Variants in DSCAM observed in about 807,000 individuals in gnomAD.
DSCAM encodes the protein DS cell adhesion molecule, also known as cell adhesion molecule DSCAM.
In DSCAM, 47 loss-of-function variants were observed where a neutral mutation model predicts 217.7. That is an observed-to-expected ratio of 0.22 (90% CI 0.17 to 0.28). The LOEUF is 0.28. Among genes scored for constraint, DSCAM ranks in the 10% least tolerant of loss-of-function variants. DSCAM has a pLI of 1.00. For synonymous variants in DSCAM, 1,056 were observed against 1,015.3 expected, an observed-to-expected ratio of 1.04 and a Z score of -0.76; for missense variants, 2,080 against 2,618.3, an observed-to-expected ratio of 0.79 and a Z score of 4.49.
rs2090674690 is a variant in DSCAM, at chr21:40,172,886, G to A, written c.2948-5598C>T. 2.0e-5 allele frequency among the ~76,000 whole-genome samples: 3 copies of A among 152,212 alleles called. No homozygotes were observed. In the South Asian group the frequency reaches 6.2e-4, roughly 32 times the overall value. The stretch of plus-strand genomic sequence containing the variant: ...TTTGTCTTCTACAGGAGTTGGGTGG[G>A]TGGGCGAGAGGCATGCTCTGTGTTG... On this transcript the variant is annotated intron_variant, in intron 15 of 32. Coordinates refer to ENST00000400454, the MANE Select transcript of DSCAM (RefSeq NM_001389.5).
Position 40,228,744 on chromosome 21 carries a change from G to C in DSCAM, c.2357-39506C>G, listed in dbSNP as rs144729789. ...CTTTTATATTCCCTTACCAGTCTTA[G>C]AATTAGCGTTCTCAAAGGAGTCCTG... On this transcript the variant is annotated intron_variant, in intron 11 of 32. Coordinates refer to ENST00000400454, the MANE Select transcript of DSCAM (RefSeq NM_001389.5). Among the ~76,000 whole-genome samples the C allele has an allele frequency of 7.1e-4, 107 of 150,138 alleles. No homozygotes were observed. The East Asian group carries it at 0.02, about 29-fold the overall frequency.
At chr21:40,805,474 A>T (rs921539962) in intron 1 of DSCAM, among the ~76,000 whole-genome samples, 1 of 152,010 alleles carries the variant, frequency 6.6e-6, no homozygotes, top group African/African-American at 2.4e-5. Context: ...AAACTCAGTA[A>T]CTCATTCCCT....
chr21:40,369,158 G>A lies in DSCAM; in HGVS notation c.596C>T (p.Thr199Met), dbSNP rs761826018. 13 of 1,613,266 alleles carry A rather than the reference G, an allele frequency of 8.1e-6. No homozygotes were observed. The highest frequency in any genetic ancestry group is 1.7e-5 in the Admixed American group (1 of 59,876). Residue 199 changes from threonine (T) to methionine (M), a missense_variant, in exon 4 of 33, where the codon ACG becomes ATG. Around this residue, in one of 5 missense-constraint regions of DSCAM, gnomAD observed 568 missense variants for 678.1 expected, o/e 0.84. Transcript: ENST00000400454. Reference sequence around the variant, plus strand: ...CGTCTCTCCGGTGTATCGATGCCGCGTGATGCAGCGGTAGTTATACAATCC... The same window carrying A: ...CGTCTCTCCGGTGTATCGATGCCGCATGATGCAGCGGTAGTTATACAATCC... ...EDGLYNYRCI[T>M]RHRYTGETRQ...
chr21:40,227,211 G>A (rs2091341018), intron 11 of DSCAM, among the ~76,000 whole-genome samples: 1 of 152,136 alleles, frequency 6.6e-6, no homozygotes, highest in African/African-American at 2.4e-5. Flanking sequence ...ATGTGTCATG[G>A]TTGACTCTGG....
intron 11 of DSCAM, among the ~76,000 whole-genome samples, chr21:40,196,800 A>G (rs527534421): frequency 2.0e-5 from 3 of 152,286 alleles, no homozygotes; most frequent in Non-Finnish European, 4.4e-5. Flanking sequence ...ACTTTTCCAT[A>G]TACTGCATAA....
chr21:40,593,757 G>A (rs1378518900), intron 3 of DSCAM, among the ~76,000 whole-genome samples: 2 of 152,198 alleles, frequency 1.3e-5, no homozygotes, highest in Admixed American at 1.3e-4. Flanking sequence ...CTCAGTCTGA[G>A]CCAGTTCAGC....
In DSCAM at chr21:40,376,594, C is replaced by A. The variant is rs147524486; in HGVS notation, c.509-7349G>T. Among the ~76,000 whole-genome samples, 336 of 108,600 alleles carry A rather than the reference C, an allele frequency of 3.1e-3. 11 individuals carry two copies. Among genetic ancestry groups the A allele is most frequent in the African/African-American group, 0.014 (295 of 21,542 alleles). The allele number at this position is 108,600 out of a possible 152,430, so 71.2% of individuals were successfully genotyped here. On this transcript the variant is annotated intron_variant, in intron 3 of 32. Transcript: ENST00000400454. ...ATATCGATATCTATATATCTTATAT[C>A]GATATCTATATATCTTATATAGATA...
chr21:40,832,668 C>A (rs2092021483), intron 1 of DSCAM, among the ~76,000 whole-genome samples: 1 of 152,150 alleles, frequency 6.6e-6, no homozygotes, highest in Non-Finnish European at 1.5e-5. Context: ...TGCACATATT[C>A]TACATGCTCT....
chr21:40,212,399 T>A (rs2091194561), intron 11 of DSCAM: 1 of 154,174 alleles, frequency 6.5e-6, no homozygotes, highest in Admixed American at 6.5e-5. Flanking sequence ...TACTTAAGAA[T>A]TCTAACTTCA....
At chr21:40,754,117 G>A (rs934286530) in intron 1 of DSCAM, among the ~76,000 whole-genome samples, 8 of 152,258 alleles carry the variant, frequency 5.3e-5, no homozygotes, top group East Asian at 1.9e-4. Context: ...CTCAGACTCC[G>A]CTGTGGGGAG....
intron 3 of DSCAM, among the ~76,000 whole-genome samples, chr21:40,376,587 CT>C (rs2074959891): frequency 7.0e-5 from 3 of 42,620 alleles, no homozygotes; most frequent in Non-Finnish European, 1.6e-4. Flanking sequence ...ATCTATATAT[CT>C]TATATCGATA....
chr21:40,703,337 G>A (rs1051722016), intron 2 of DSCAM, among the ~76,000 whole-genome samples: 6 of 152,054 alleles, frequency 3.9e-5, no homozygotes, highest in Admixed American at 2.0e-4. Context: ...GCAACATAGC[G>A]AGATTCCATC....
chr21:40,387,515 A>T (rs1299352937), intron 3 of DSCAM, among the ~76,000 whole-genome samples: 1 of 152,188 alleles, frequency 6.6e-6, no homozygotes, highest in African/African-American at 2.4e-5. Context: ...CACTCTAGAA[A>T]ATAACATATA....
chr21:40,309,245 C>T (rs181778266), intron 9 of DSCAM, among the ~76,000 whole-genome samples: 6 of 152,054 alleles, frequency 3.9e-5, no homozygotes, highest in South Asian at 2.1e-4. Flanking sequence ...TCTGAAGCTC[C>T]TCTAATCAAG....
chr21:40,686,420 C>T (rs544543344), intron 3 of DSCAM, among the ~76,000 whole-genome samples: 6 of 152,044 alleles, frequency 3.9e-5, no homozygotes, highest in African/African-American at 1.4e-4. Flanking sequence ...TATGCACACA[C>T]CACACCAAAC....
At chr21:40,533,557 T>C (rs60264226) in intron 3 of DSCAM, among the ~76,000 whole-genome samples, 21,374 of 61,412 alleles carry the variant, frequency 0.35, 2,785 homozygotes, top group East Asian at 0.5. Context: ...ATCCATCCAT[T>C]CATCCATCCA....
intron 3 of DSCAM, among the ~76,000 whole-genome samples, chr21:40,500,138 A>T (rs1393932435): frequency 6.6e-6 from 1 of 152,130 alleles, no homozygotes; most frequent in African/African-American, 2.4e-5. Flanking sequence ...GGAGGAGGAG[A>T]AAAGGGAGAT....
At chr21:40,761,348 A>C (rs2091333179) in intron 1 of DSCAM, among the ~76,000 whole-genome samples, 1 of 150,184 alleles carries the variant, frequency 6.7e-6, no homozygotes, top group African/African-American at 2.5e-5. Context: ...CCCCCCCTCT[A>C]TTTTCAAAGC....
chr21:40,119,530 A>G (rs2090008810), intron 20 of DSCAM, among the ~76,000 whole-genome samples: 1 of 152,146 alleles, frequency 6.6e-6, no homozygotes, highest in South Asian at 2.1e-4. Flanking sequence ...TTAATTTCAG[A>G]TGATAGTTAC....
Sources: gnomAD v4.1 joint callset for allele counts (sites outside exome capture counted in the v4.1 genomes callset) on GRCh38, gnomAD v4.1.1 for gene constraint, gnomAD v4.1.1 regional missense constraint, MANE v1.5 for transcripts, NCBI Gene and HGNC (gene_info 2026-07-23, HGNC 2026-07-21) for gene names.